MARCHF1: variants seen among roughly 807,000 people sequenced by gnomAD.
The protein encoded by MARCHF1 is E3 ubiquitin-protein ligase MARCHF1.
A neutral mutation model predicts 54.2 loss-of-function variants in MARCHF1; 40 were observed. That is an observed-to-expected ratio of 0.74 (90% confidence interval 0.57 to 0.96). The LOEUF is 0.96. Ranked by LOEUF, MARCHF1 falls within the 40% of genes least tolerant of loss-of-function variation. The probability of loss-of-function intolerance (pLI) is 0.00; values close to 1 mark genes in which losing one functional copy is unlikely to be tolerated. For missense variants in MARCHF1, 586 were observed against 656.5 expected (o/e 0.89, Z 1.17); for synonymous variants, 236 against 236.3 (o/e 1.00, Z 0.01).
intron 4 of MARCHF1, among the ~76,000 whole-genome samples, chr4:163,758,745 T>A (rs1163539109): frequency 1.3e-5 from 2 of 152,216 alleles, no homozygotes; most frequent in Non-Finnish European, 2.9e-5. Flanking sequence ...CTGAATAACG[T>A]GGGCTTGGTT....
intron 1 of MARCHF1, among the ~76,000 whole-genome samples, chr4:164,236,007 T>C (rs1242319291): frequency 6.6e-6 from 1 of 152,120 alleles, no homozygotes; most frequent in African/African-American, 2.4e-5. Flanking sequence ...CTATTTTTAA[T>C]GTATGTATTG....
intron 1 of MARCHF1, among the ~76,000 whole-genome samples, chr4:164,191,101 G>A (rs906230018): frequency 6.6e-6 from 1 of 152,178 alleles, no homozygotes; most frequent in African/African-American, 2.4e-5. Context: ...ACAGTGATTG[G>A]ATCATAATAA....
intron 4 of MARCHF1, among the ~76,000 whole-genome samples, chr4:163,707,092 G>T (rs538889809): frequency 3.3e-5 from 5 of 152,154 alleles, no homozygotes; most frequent in Non-Finnish European, 5.9e-5. Context: ...TAATCATGGA[G>T]TCCTGATGGA....
Position 164,118,124 on chromosome 4 carries a change from C to T in MARCHF1, c.-322-6462G>A, listed in dbSNP as rs192196938. Among the ~76,000 whole-genome samples the T allele has an allele frequency of 3.8e-4, 57 of 151,390 alleles. No homozygotes were observed. In the East Asian group the frequency reaches 9.7e-3, roughly 26 times the overall value. On this transcript the variant is annotated intron_variant, in intron 1 of 9. Coordinates refer to ENST00000514618, the MANE Select transcript of MARCHF1 (RefSeq NM_001394959.1). ...TTGAAGTCACTCAAAAAGTCACTAA[C>T]AAAAAAACATAAAATGGAAAAGACA...
intron 5 of MARCHF1, among the ~76,000 whole-genome samples, chr4:163,647,947 A>G (rs1317542117): frequency 6.6e-6 from 1 of 151,762 alleles, no homozygotes; most frequent in Non-Finnish European, 1.5e-5. Flanking sequence ...AATAGAAAAG[A>G]TAATTAAAAT....
chr4:163,781,975 G>A (rs183725665), intron 4 of MARCHF1, among the ~76,000 whole-genome samples: 1 of 152,296 alleles, frequency 6.6e-6, no homozygotes, highest in Non-Finnish European at 1.5e-5. Context: ...GATAAGGTCA[G>A]TGCTTTGTTC....
At chr4:163,761,897 T>C (rs1017916254) in intron 4 of MARCHF1, among the ~76,000 whole-genome samples, 1 of 152,224 alleles carries the variant, frequency 6.6e-6, no homozygotes, top group African/African-American at 2.4e-5. Context: ...ACATAATTTT[T>C]TGAGATAAAA....
chr4:163,608,923 A>G (rs1741233427), intron 7 of MARCHF1, among the ~76,000 whole-genome samples: 1 of 151,992 alleles, frequency 6.6e-6, no homozygotes, highest in African/African-American at 2.4e-5. Flanking sequence ...TCTAGAGATC[A>G]TATATATCTT....
intron 1 of MARCHF1, among the ~76,000 whole-genome samples, chr4:164,363,210 GA>G (rs1730776129): frequency 6.6e-6 from 1 of 151,830 alleles, no homozygotes; most frequent in Non-Finnish European, 1.5e-5. Flanking sequence ...TGAACCTGGG[GA>G]AAAAAATAAC....
chr4:164,170,070 C>T (rs1460938811), intron 1 of MARCHF1, among the ~76,000 whole-genome samples: 1 of 151,948 alleles, frequency 6.6e-6, no homozygotes, highest in African/African-American at 2.4e-5. Flanking sequence ...AGCTATCTTC[C>T]CACAAAGGCA....
At chr4:164,139,887 A>C (rs1756486008) in intron 1 of MARCHF1, among the ~76,000 whole-genome samples, 1 of 152,120 alleles carries the variant, frequency 6.6e-6, no homozygotes, top group African/African-American at 2.4e-5. Flanking sequence ...ACAAACAAAA[A>C]TTTGACTTCA....
At chr4:163,810,505 T>C (rs1748354549) in intron 4 of MARCHF1, among the ~76,000 whole-genome samples, 2 of 152,178 alleles carry the variant, frequency 1.3e-5, no homozygotes, top group Admixed American at 1.3e-4. Context: ...TCTTCCTCCC[T>C]AGTCAGCAGT....
chr4:163,901,655 G>A (rs1248931304), intron 3 of MARCHF1, among the ~76,000 whole-genome samples: 9 of 152,168 alleles, frequency 5.9e-5, no homozygotes, highest in Admixed American at 3.3e-4. Flanking sequence ...GGGTTGTGAA[G>A]GCCTAGGCAG....
chr4:163,581,038 A>G (rs1740215031), intron 8 of MARCHF1, among the ~76,000 whole-genome samples: 1 of 42,354 alleles, frequency 2.4e-5, no homozygotes, highest in Non-Finnish European at 4.9e-5. Flanking sequence ...TCCTGACCTC[A>G]TGATCCACCC....
chr4:163,858,560 T>C (rs1192184472), intron 3 of MARCHF1, among the ~76,000 whole-genome samples: 1 of 152,238 alleles, frequency 6.6e-6, no homozygotes, highest in Non-Finnish European at 1.5e-5. Context: ...TTAGAGATTT[T>C]ATGTATTTAT....
chr4:164,253,355 A>T (rs534492913), intron 1 of MARCHF1, among the ~76,000 whole-genome samples: 1 of 152,294 alleles, frequency 6.6e-6, no homozygotes, highest in African/African-American at 2.4e-5. Flanking sequence ...TTTTGAAGTA[A>T]AACTATATTC....
intron 3 of MARCHF1, among the ~76,000 whole-genome samples, chr4:163,985,370 A>G (rs1474765313): frequency 6.6e-6 from 1 of 152,160 alleles, no homozygotes; most frequent in African/African-American, 2.4e-5. Context: ...GACATAATAT[A>G]TTATTTTGTG....
intron 3 of MARCHF1, among the ~76,000 whole-genome samples, chr4:163,981,846 A>G (rs1396848557): frequency 2.0e-5 from 3 of 152,202 alleles, no homozygotes; most frequent in African/African-American, 7.2e-5. Flanking sequence ...TTCAAACACA[A>G]TGACCACATG....
intron 9 of MARCHF1, among the ~76,000 whole-genome samples, chr4:163,542,631 G>A (rs559690609): frequency 6.6e-6 from 1 of 152,316 alleles, no homozygotes; most frequent in East Asian, 1.9e-4. Context: ...GGACTACGTG[G>A]TAGGGCAGTG....
Sources: gnomAD v4.1 joint callset for allele counts (sites outside exome capture counted in the v4.1 genomes callset) on GRCh38, gnomAD v4.1.1 for gene constraint, MANE v1.5 for transcripts, NCBI Gene and HGNC (gene_info 2026-07-23, HGNC 2026-07-21) for gene names.